Variants in PCDH15 observed in about 807,000 individuals in gnomAD.
The protein encoded by PCDH15 is protocadherin-15.
A neutral mutation model predicts 178.5 loss-of-function variants in PCDH15; 129 were observed. The observed-to-expected ratio is 0.72, with a 90% CI of 0.63 to 0.84. PCDH15 has a LOEUF of 0.84. Ranked by LOEUF, PCDH15 falls within the 40% of genes least tolerant of loss-of-function variation. PCDH15 has a pLI of 0.00. For synonymous variants in PCDH15, 800 were observed against 732.0 expected (o/e 1.09, Z -1.50); for missense variants, 2,230 against 2,099.9 (o/e 1.06, Z -1.21).
At chr10:55,224,155 G>T (rs2132188570) in intron 1 of PCDH15, among the ~76,000 whole-genome samples, 1 of 152,144 alleles carries the variant, frequency 6.6e-6, no homozygotes, top group East Asian at 1.9e-4. Flanking sequence ...GAGCCAGATT[G>T]CACCACTGCA....
intron 2 of PCDH15, among the ~76,000 whole-genome samples, chr10:54,912,677 A>C (rs1460155800): frequency 6.6e-6 from 1 of 152,202 alleles, no homozygotes; most frequent in East Asian, 1.9e-4. Flanking sequence ...ACATCACTAT[A>C]AGGATACCTG....
At chr10:54,348,455 C>G (rs1943666003) in intron 5 of PCDH15, among the ~76,000 whole-genome samples, 1 of 152,120 alleles carries the variant, frequency 6.6e-6, no homozygotes, top group Non-Finnish European at 1.5e-5. Flanking sequence ...TGCTTCCAAG[C>G]TGACGTTCAA....
chr10:54,741,662 C>G (rs1279948735), intron 1 of PCDH15, among the ~76,000 whole-genome samples: 2 of 151,966 alleles, frequency 1.3e-5, no homozygotes, highest in East Asian at 3.9e-4. Context: ...AGGCAGAATC[C>G]ATTTATTTGC....
At chr10:54,666,095 C>T (rs372083708) in intron 1 of PCDH15, among the ~76,000 whole-genome samples, 33 of 151,936 alleles carry the variant, frequency 2.2e-4, no homozygotes, top group South Asian at 1.7e-3. Flanking sequence ...ACATTAAATA[C>T]GTAAGGGAAT....
intron 26 of PCDH15, among the ~76,000 whole-genome samples, chr10:53,888,282 CTATATATACATATA>C (rs1852445809): frequency 1.0e-5 from 1 of 95,426 alleles, no homozygotes; most frequent in East Asian, 3.3e-4. Flanking sequence ...CATTCCAACA[CTATATATACATATA>C]TATATATATA....
chr10:54,808,162 T>C (rs368737880), intron 3 of PCDH15, among the ~76,000 whole-genome samples: 7 of 152,324 alleles, frequency 4.6e-5, no homozygotes, highest in African/African-American at 1.2e-4. Flanking sequence ...TTTATATTTA[T>C]ACTGGTTTCT....
At chr10:54,605,355 A>AT (rs1565722762) in intron 2 of PCDH15, among the ~76,000 whole-genome samples, 1 of 151,746 alleles carries the variant, frequency 6.6e-6, no homozygotes, top group Non-Finnish European at 1.5e-5. Context: ...TCAGCTTTCG[A>AT]TTTTTTTAAT....
intron 3 of PCDH15, among the ~76,000 whole-genome samples, chr10:54,499,473 T>A (rs190674428): frequency 1.7e-4 from 26 of 152,170 alleles, no homozygotes; most frequent in Non-Finnish European, 5.9e-5. Flanking sequence ...CCAACTGCCC[T>A]CTCAGACAAT....
At position 54,601,485 on chromosome 10, in the gene PCDH15, A is replaced by G. The variant is rs559748822; in HGVS notation, c.91+62687T>C. On this transcript the variant is annotated intron_variant, in intron 2 of 37. Coordinates refer to ENST00000644397, the MANE Select transcript of PCDH15 (RefSeq NM_001384140.1). Reference sequence around the variant, plus strand: ...TTAGAGACACGCAAATAAAAACCACAATAGAAAACATCTCACACCAGTCAG... The same window carrying G: ...TTAGAGACACGCAAATAAAAACCACGATAGAAAACATCTCACACCAGTCAG... Among the ~76,000 whole-genome samples the G allele has an allele frequency of 7.9e-4, 120 of 152,178 alleles. 1 individual carries two copies. The highest frequency in any genetic ancestry group is 1.6e-3 in the Non-Finnish European group (107 of 67,950).
chr10:53,987,113 G>T (rs1016598393), intron 21 of PCDH15, among the ~76,000 whole-genome samples: 1 of 151,950 alleles, frequency 6.6e-6, no homozygotes, highest in Non-Finnish European at 1.5e-5. Flanking sequence ...ATATATACTA[G>T]TAAAAAACTT....
chr10:54,788,749 G>C, intron 1 of PCDH15, among the ~76,000 whole-genome samples: 1 of 151,762 alleles, frequency 6.6e-6, no homozygotes, highest in East Asian at 1.9e-4. Flanking sequence ...TAATGCAGAT[G>C]GGTCAAATCT....
At chr10:54,664,715 T>A (rs575273306) in intron 1 of PCDH15, among the ~76,000 whole-genome samples, 1 of 151,966 alleles carries the variant, frequency 6.6e-6, no homozygotes, top group Non-Finnish European at 1.5e-5. Context: ...CAATGAAAAT[T>A]TGTCTTATAC....
chr10:54,333,294 G>A (rs937035729), intron 6 of PCDH15, among the ~76,000 whole-genome samples: 6 of 151,848 alleles, frequency 4.0e-5, no homozygotes, highest in African/African-American at 1.5e-4. Context: ...ATAAGAATAG[G>A]ATATACTTTA....
chr10:55,202,890 G>A (rs1840294452), intron 1 of PCDH15, among the ~76,000 whole-genome samples: 1 of 152,140 alleles, frequency 6.6e-6, no homozygotes, highest in African/African-American at 2.4e-5. Context: ...ATAATTGTGT[G>A]AGTTTCCTAA....
chr10:53,924,547 A>T (rs1046209436), intron 25 of PCDH15, among the ~76,000 whole-genome samples: 6 of 152,216 alleles, frequency 3.9e-5, no homozygotes, highest in African/African-American at 1.4e-4. Context: ...CAACCGCCCA[A>T]GGGCTGAGGA....
chr10:54,079,579 G>A (rs528622411), intron 16 of PCDH15, among the ~76,000 whole-genome samples, 155 bp from the exon 17 acceptor site: 1 of 152,208 alleles, frequency 6.6e-6, no homozygotes, highest in African/African-American at 2.4e-5. Context: ...GATTCATTCT[G>A]AAAATTGAAA....
At chr10:55,165,862 T>A (rs978540635) in intron 2 of PCDH15, among the ~76,000 whole-genome samples, 3 of 152,092 alleles carry the variant, frequency 2.0e-5, no homozygotes, top group Non-Finnish European at 4.4e-5. Flanking sequence ...ATTACTACCT[T>A]GATTTCATAG....
chr10:54,855,229 G>A (rs1953716372), intron 3 of PCDH15, among the ~76,000 whole-genome samples: 1 of 152,202 alleles, frequency 6.6e-6, no homozygotes, highest in Admixed American at 6.5e-5. Context: ...GTGCAGGGAT[G>A]CCTGGTTCTG....
At chr10:53,887,335 T>C (rs75865308) in intron 26 of PCDH15, among the ~76,000 whole-genome samples, 116 of 152,342 alleles carry the variant, frequency 7.6e-4, no homozygotes, top group African/African-American at 2.6e-3. Context: ...AATATTTAGA[T>C]GGAATAAACT....
Sources: allele counts gnomAD v4.1 joint callset (sites outside exome capture counted in the v4.1 genomes callset), GRCh38; gene constraint gnomAD v4.1.1; transcripts MANE v1.5; gene names NCBI Gene and HGNC (gene_info 2026-07-23, HGNC 2026-07-21).